Variants in CDKAL1 observed in about 807,000 individuals in gnomAD.
The protein encoded by CDKAL1 is threonylcarbamoyladenosine tRNA methylthiotransferase.
In CDKAL1, 32 loss-of-function variants were observed where a neutral mutation model predicts 68.2. The ratio of observed to expected loss-of-function variants is 0.47; its 90% CI spans 0.35 to 0.63. The LOEUF is 0.63. Among genes scored for constraint, CDKAL1 ranks in the 30% least tolerant of loss-of-function variants. The pLI is 0.00. For missense variants in CDKAL1, 606 were observed against 696.7 expected (o/e 0.87, Z 1.47); for synonymous variants, 234 against 244.3 (o/e 0.96, Z 0.39).
intron 9 of CDKAL1, among the ~76,000 whole-genome samples, chr6:20,881,298 A>G (rs907290198): frequency 2.6e-5 from 4 of 152,276 alleles, no homozygotes; most frequent in South Asian, 2.1e-4. Flanking sequence ...CTGGGACTAC[A>G]CTCCAAGAAA....
Position 20,758,513 on chromosome 6 carries a change from A to G in CDKAL1, c.469-82A>G, listed in dbSNP as rs1446209925. ...CATTGATGTGCTTAGAAAATGTGTA[A>G]CATTGACTCAAGCATAAGGATAAAC... On this transcript the variant is annotated intron_variant, in intron 6 of 15. Coordinates refer to ENST00000274695, the MANE Select transcript of CDKAL1 (RefSeq NM_017774.3). 3 of 1,132,508 alleles carry G rather than the reference A, an allele frequency of 2.6e-6. No homozygotes were observed. In the African/African-American group the frequency reaches 4.7e-5, roughly 18 times the overall value. The allele number at this position is 1,132,508 out of a possible 1,614,324, so 70.2% of individuals were successfully genotyped here.
intron 11 of CDKAL1, among the ~76,000 whole-genome samples, chr6:21,014,381 A>C (rs1043785886): frequency 3.3e-5 from 5 of 152,160 alleles, no homozygotes; most frequent in African/African-American, 1.2e-4. Context: ...AGGCAGGTGG[A>C]TCACAAGGTC....
intron 7 of CDKAL1, among the ~76,000 whole-genome samples, chr6:20,768,422 A>C (rs972392957): frequency 2.0e-5 from 3 of 152,160 alleles, no homozygotes; most frequent in Non-Finnish European, 4.4e-5. Context: ...AGTTAATAGA[A>C]TGTGACTAGC....
chr6:20,805,455 G>A (rs1287140181), intron 8 of CDKAL1, among the ~76,000 whole-genome samples: 2 of 152,154 alleles, frequency 1.3e-5, no homozygotes, highest in African/African-American at 2.4e-5. Flanking sequence ...TATTAGCAGG[G>A]CATACCCATC....
At chr6:20,648,128 ATT>A (rs547345216) in intron 4 of CDKAL1, among the ~76,000 whole-genome samples, 21 of 136,606 alleles carry the variant, frequency 1.5e-4, no homozygotes, top group Admixed American at 1.5e-4. Flanking sequence ...TACTGGGGGA[ATT>A]TTTTTTTTTT....
At chr6:21,093,768 T>A (rs1446535472) in intron 12 of CDKAL1, among the ~76,000 whole-genome samples, 1 of 132,822 alleles carries the variant, frequency 7.5e-6, no homozygotes, top group East Asian at 2.1e-4. Context: ...CAGGCTGGAG[T>A]GCAGTGGCAC....
intron 10 of CDKAL1, among the ~76,000 whole-genome samples, chr6:20,997,417 A>G (rs1767178157): frequency 6.6e-6 from 1 of 151,934 alleles, no homozygotes; most frequent in Non-Finnish European, 1.5e-5. Flanking sequence ...AGAAACATGG[A>G]CTTTAATTAA....
intron 4 of CDKAL1, among the ~76,000 whole-genome samples, chr6:20,626,925 T>A (rs894940784): frequency 6.6e-6 from 1 of 152,196 alleles, no homozygotes; most frequent in African/African-American, 2.4e-5. Context: ...CACCTCTATC[T>A]GGAAGGAAGG....
intron 9 of CDKAL1, among the ~76,000 whole-genome samples, chr6:20,847,544 A>C (rs953706587): frequency 6.6e-6 from 1 of 152,250 alleles, no homozygotes; most frequent in East Asian, 1.9e-4. Flanking sequence ...GTGCAACTGC[A>C]TATAATTTTT....
intron 9 of CDKAL1, among the ~76,000 whole-genome samples, chr6:20,920,323 A>G (rs1034109390): frequency 5.9e-5 from 9 of 152,182 alleles, no homozygotes; most frequent in African/African-American, 2.2e-4. Context: ...AGACTGAGTT[A>G]AAAATAAAGG....
intron 15 of CDKAL1, among the ~76,000 whole-genome samples, chr6:21,210,065 T>G (rs1331499473): frequency 1.8e-5 from 2 of 111,876 alleles, no homozygotes; most frequent in Non-Finnish European, 4.0e-5. Flanking sequence ...TGTAATAGTA[T>G]TAATAATATG....
chr6:21,022,319 G>A (rs114256148), intron 11 of CDKAL1, among the ~76,000 whole-genome samples: 1,570 of 152,258 alleles, frequency 0.01, 29 homozygotes, highest in African/African-American at 0.036. Flanking sequence ...ACAGGTTCAC[G>A]CCTAGCCATA....
chr6:20,567,122 C>G (rs1261813331), intron 4 of CDKAL1, among the ~76,000 whole-genome samples: 1 of 151,712 alleles, frequency 6.6e-6, no homozygotes, highest in Non-Finnish European at 1.5e-5. Context: ...CATTGACTGA[C>G]TCAAATATCC....
chr6:21,035,622 T>C (rs1769535039), intron 11 of CDKAL1, among the ~76,000 whole-genome samples: 2 of 152,188 alleles, frequency 1.3e-5, no homozygotes, highest in Admixed American at 6.6e-5. Context: ...TTTAAAAATA[T>C]AGATCTGTTA....
intron 11 of CDKAL1, among the ~76,000 whole-genome samples, chr6:21,051,258 C>A (rs543575317): frequency 5.9e-5 from 9 of 152,264 alleles, no homozygotes; most frequent in Admixed American, 5.2e-4. Context: ...TTTGTAGTCC[C>A]AGCTACTTGG....
intron 5 of CDKAL1, among the ~76,000 whole-genome samples, chr6:20,706,272 G>A (rs533347901): frequency 1.3e-5 from 2 of 152,270 alleles, no homozygotes; most frequent in East Asian, 3.9e-4. Context: ...ACCTGTTTGG[G>A]GCTGGATTTT....
intron 9 of CDKAL1, among the ~76,000 whole-genome samples, chr6:20,884,458 G>A (rs1046253487): frequency 9.9e-5 from 15 of 152,172 alleles, no homozygotes; most frequent in African/African-American, 3.6e-4. Flanking sequence ...AAGACAAGGT[G>A]CCTGCTTTCT....
chr6:21,004,038 A>C (rs911185189), intron 11 of CDKAL1, among the ~76,000 whole-genome samples: 1 of 152,082 alleles, frequency 6.6e-6, no homozygotes, highest in Non-Finnish European at 1.5e-5. Flanking sequence ...GAGGCTTCTC[A>C]AATATTTGTG....
intron 11 of CDKAL1, among the ~76,000 whole-genome samples, chr6:21,030,566 A>G (rs1769224132): frequency 6.6e-6 from 1 of 152,194 alleles, no homozygotes; most frequent in South Asian, 2.1e-4. Context: ...CCTCTGTTTT[A>G]GGGTTTGCCT....
Sources: gnomAD v4.1 joint callset for allele counts (sites outside exome capture counted in the v4.1 genomes callset) on GRCh38, gnomAD v4.1.1 for gene constraint, MANE v1.5 for transcripts, NCBI Gene and HGNC (gene_info 2026-07-23, HGNC 2026-07-21) for gene names.